CDH23: variants seen among roughly 807,000 people sequenced by gnomAD.
CDH23 encodes cadherin-23.
In CDH23, 189 loss-of-function variants were observed where a neutral mutation model predicts 317.1. That is an observed-to-expected ratio of 0.60 (90% confidence interval 0.53 to 0.67). The LOEUF (loss-of-function observed/expected upper bound fraction) is 0.67, where lower values mean the gene tolerates loss of function less well. Ranked by LOEUF, CDH23 falls within the 30% of genes least tolerant of loss-of-function variation. The probability of loss-of-function intolerance (pLI) is 0.00; values close to 1 mark genes in which losing one functional copy is unlikely to be tolerated. For missense variants in CDH23, 4,401 were observed against 4,592.4 expected (o/e 0.96, Z 1.20); for synonymous variants, 1,839 against 1,876.8 (o/e 0.98, Z 0.52).
intron 53 of CDH23, among the ~76,000 whole-genome samples, chr10:71,801,171 T>C (rs1841549353): frequency 1.4e-5 from 2 of 146,366 alleles, no homozygotes; most frequent in South Asian, 2.2e-4. Context: ...TTTTTTTTTT[T>C]TGAGATGGAG....
Position 71,409,918 on chromosome 10 carries a change from C to T in CDH23, c.-6+12600C>T, listed in dbSNP as rs562024017. Among the ~76,000 whole-genome samples the T allele has an allele frequency of 3.9e-5, 6 of 152,328 alleles. No homozygotes were observed. In the East Asian group the frequency reaches 1.2e-3, roughly 29 times the overall value. ...ATGGGAAGCATCTCTCCCTTTGTGC[C>T]TGGTCTGGGTGGGTGTGGCCAGGGC... On this transcript the variant is annotated intron_variant, in intron 1 of 69. Transcript: ENST00000224721.
intron 28 of CDH23, chr10:71,716,023 A>G (rs780420392): frequency 6.7e-5 from 100 of 1,501,478 alleles, no homozygotes; most frequent in Non-Finnish European, 8.7e-5. Context: ...TGGGCCGGCC[A>G]TGGCGGAAGC....
intron 3 of CDH23, among the ~76,000 whole-genome samples, chr10:71,477,586 C>A (rs938650370): frequency 2.6e-5 from 4 of 152,180 alleles, no homozygotes; most frequent in Admixed American, 6.5e-5. Context: ...TGTGCAGGGT[C>A]CAGCTCCAAA....
chr10:71,545,915 G>A (rs766593016), intron 6 of CDH23, among the ~76,000 whole-genome samples: 3 of 152,140 alleles, frequency 2.0e-5, no homozygotes, highest in South Asian at 2.1e-4. Flanking sequence ...AGGGAGTGAC[G>A]GGCAATGCCA....
In CDH23 at chr10:71,589,681, G is replaced by A. The variant is rs542683411; in HGVS notation, c.832+11689G>A. On this transcript the variant is annotated intron_variant, in intron 9 of 69. Coordinates refer to ENST00000224721, the MANE Select transcript of CDH23 (RefSeq NM_022124.6). ...GAAGGAGAGTTTGGGGAGATGGTGA[G>A]GAAGAAGGGTTGCCACCCGCAGGGT... Among the ~76,000 whole-genome samples the A allele has an allele frequency of 5.3e-5, 8 of 152,370 alleles. No homozygotes were observed. In the South Asian group the frequency reaches 1.7e-3, roughly 32 times the overall value.
intron 17 of CDH23, among the ~76,000 whole-genome samples, chr10:71,682,131 C>G (rs755160289): frequency 6.6e-6 from 1 of 152,226 alleles, no homozygotes; most frequent in Non-Finnish European, 1.5e-5. Flanking sequence ...AACCTAGGCT[C>G]ATCTCCCCAC....
intron 9 of CDH23, among the ~76,000 whole-genome samples, chr10:71,602,016 G>A (rs1482756840): frequency 6.6e-6 from 1 of 152,128 alleles, no homozygotes; most frequent in Non-Finnish European, 1.5e-5. Flanking sequence ...CATTCGGGCT[G>A]GTTCAGCCAG....
At chr10:71,718,704 G>C (rs886395548) in intron 28 of CDH23, among the ~76,000 whole-genome samples, 8 of 152,222 alleles carry the variant, frequency 5.3e-5, no homozygotes, top group African/African-American at 1.9e-4. Flanking sequence ...GCCTTCAAAG[G>C]AATCTGGAGA....
intron 1 of CDH23, among the ~76,000 whole-genome samples, chr10:71,438,945 T>C (rs1034715929): frequency 6.6e-6 from 1 of 152,188 alleles, no homozygotes; most frequent in African/African-American, 2.4e-5. Flanking sequence ...TTGGTGAGTG[T>C]GGTCCCCCTG....
At chr10:71,501,688 A>C (rs1853342542) in intron 3 of CDH23, among the ~76,000 whole-genome samples, 1 of 152,204 alleles carries the variant, frequency 6.6e-6, no homozygotes. Flanking sequence ...GATTATCCCC[A>C]GGAATCAAGG....
At chr10:71,677,330 GA>G in intron 15 of CDH23, 125 bp from the exon 16 acceptor site, 1 of 616,762 alleles carries the variant, frequency 1.6e-6, no homozygotes, top group East Asian at 3.2e-5. Context: ...AGGGAAGGCA[GA>G]TTTCAGACTT....
chr10:71,790,280 T>C lies in CDH23; in HGVS notation c.5924-8T>C. The C allele has an allele frequency of 1.9e-6, 3 of 1,613,592 alleles. No homozygotes were observed. Among genetic ancestry groups the C allele is most frequent in the Non-Finnish European group, 2.5e-6 (3 of 1,179,770 alleles). On this transcript the variant is annotated splice_region_variant and splice_polypyrimidine_tract_variant and intron_variant, in intron 45 of 69. Transcript: ENST00000224721. ...GGTCTTGTGGTGACCCCTCTCCTTC[T>C]GGCCCAGGCACCCCTCTCACGGTGC...
chr10:71,481,487 C>T (rs542276247), intron 3 of CDH23, among the ~76,000 whole-genome samples: 1 of 152,276 alleles, frequency 6.6e-6, no homozygotes, highest in Admixed American at 6.5e-5. Context: ...CTAAATGGCG[C>T]CTCTTCTCAG....
intron 9 of CDH23, among the ~76,000 whole-genome samples, chr10:71,612,329 C>T (rs1393402248): frequency 1.3e-5 from 2 of 151,398 alleles, no homozygotes; most frequent in Non-Finnish European, 2.9e-5. Flanking sequence ...GAGAAGGTTG[C>T]CTAGGTCGGG....
intron 18 of CDH23, among the ~76,000 whole-genome samples, chr10:71,683,137 T>G (rs191525034): frequency 6.6e-6 from 1 of 152,336 alleles, no homozygotes; most frequent in East Asian, 1.9e-4. Flanking sequence ...ATCTCCACGC[T>G]GGTTCATTTG....
In CDH23 at chr10:71,772,010, C is replaced by A. The variant is rs528443667; in HGVS notation, c.4846-5670C>A. Among the ~76,000 whole-genome samples, 671 of 152,334 alleles carry A rather than the reference C, an allele frequency of 4.4e-3. 4 individuals carry two copies. Among genetic ancestry groups the A allele is most frequent in the Middle Eastern group, 6.8e-3 (2 of 294 alleles). Reference sequence around the variant, plus strand: ...GGTGGGATGCTGGCTTGCCTGCCTGCCACCATCCTCTGTTCCTTCTGGAAG... The same window carrying A: ...GGTGGGATGCTGGCTTGCCTGCCTGACACCATCCTCTGTTCCTTCTGGAAG... On this transcript the variant is annotated intron_variant, in intron 38 of 69. Coordinates refer to ENST00000224721, the MANE Select transcript of CDH23 (RefSeq NM_022124.6).
At chr10:71,812,182 C>A (rs1055266823) in intron 66 of CDH23, 167 bp downstream of exon 66, 2 of 1,583,090 alleles carry the variant, frequency 1.3e-6, no homozygotes, top group African/African-American at 2.7e-5. Context: ...TCAGAAACCA[C>A]GTGGCTGACA....
At position 71,442,954 on chromosome 10, in the gene CDH23, C is replaced by T. The variant is rs114568709; in HGVS notation, c.67+3056C>T. On this transcript the variant is annotated intron_variant, in intron 2 of 69. Coordinates refer to ENST00000224721, the MANE Select transcript of CDH23 (RefSeq NM_022124.6). The stretch of plus-strand genomic sequence containing the variant: ...CCCATCCTGAGGCTGGAAAATGGGG[C>T]GGAGGGCGAGGCAGAGGGAGAGGGA... Among the ~76,000 whole-genome samples the T allele has an allele frequency of 5.5e-3, 845 of 152,268 alleles. 8 individuals carry two copies. Among genetic ancestry groups the T allele is most frequent in the African/African-American group, 0.015 (614 of 41,554 alleles).
At chr10:71,607,820 T>A (rs1860621612) in intron 9 of CDH23, among the ~76,000 whole-genome samples, 1 of 152,162 alleles carries the variant, frequency 6.6e-6, no homozygotes, top group African/African-American at 2.4e-5. Context: ...GGAGGATCAC[T>A]TGAGCTGAAG....
Sources: gnomAD v4.1 joint callset for allele counts (sites outside exome capture counted in the v4.1 genomes callset) on GRCh38, gnomAD v4.1.1 for gene constraint, MANE v1.5 for transcripts, NCBI Gene and HGNC (gene_info 2026-07-23, HGNC 2026-07-21) for gene names.